Variants in DOCK3 observed in about 807,000 individuals in gnomAD.
DOCK3 encodes dedicator of cytokinesis protein 3.
In DOCK3, 60 loss-of-function variants were observed where a neutral mutation model predicts 265.6. The observed-to-expected ratio is 0.23, with a 90% CI of 0.18 to 0.28. DOCK3 has a LOEUF of 0.28. DOCK3 is among the 10% of genes least tolerant of loss of function. The pLI, the probability that DOCK3 is intolerant of heterozygous loss-of-function variation, is 1.00. For synonymous variants in DOCK3, 881 were observed against 938.0 expected (o/e 0.94, Z 1.11); for missense variants, 1,981 against 2,594.3 (o/e 0.76, Z 5.14).
chr3:50,745,707 C>T (rs933093561), intron 1 of DOCK3, among the ~76,000 whole-genome samples: 1 of 152,220 alleles, frequency 6.6e-6, no homozygotes, highest in Admixed American at 6.5e-5. Flanking sequence ...CCCGCTGTTG[C>T]AGAGGGGATG....
chr3:50,875,973 C>T (rs140393346), intron 3 of DOCK3, among the ~76,000 whole-genome samples: 1 of 152,034 alleles, frequency 6.6e-6, no homozygotes, highest in East Asian at 1.9e-4. Context: ...TCCAGCTCTA[C>T]TGGAGCATTA....
intron 3 of DOCK3, among the ~76,000 whole-genome samples, chr3:50,855,763 T>G (rs755920618): frequency 1.3e-5 from 2 of 152,154 alleles, no homozygotes; most frequent in African/African-American, 4.8e-5. Flanking sequence ...GGTGGTTGGC[T>G]GCACGGATCA....
At chr3:51,239,273 AATCTT>A (rs2078491032) in intron 21 of DOCK3, among the ~76,000 whole-genome samples, 1 of 151,518 alleles carries the variant, frequency 6.6e-6, no homozygotes, top group Non-Finnish European at 1.5e-5. Flanking sequence ...AGAGTGGCGC[AATCTT>A]GGCTCACTGT....
At chr3:51,242,569 C>T (rs868123734) in intron 21 of DOCK3, among the ~76,000 whole-genome samples, 1 of 152,052 alleles carries the variant, frequency 6.6e-6, no homozygotes, top group Non-Finnish European at 1.5e-5. Flanking sequence ...TGTGCAGTCA[C>T]GGTAGAGATG....
At chr3:50,682,768 G>C (rs1271528407) in intron 1 of DOCK3, among the ~76,000 whole-genome samples, 1 of 152,152 alleles carries the variant, frequency 6.6e-6, no homozygotes, top group African/African-American at 2.4e-5. Context: ...GTGAAACCCT[G>C]CCTCTACTAA....
chr3:51,242,736 C>A (rs1182101702), intron 21 of DOCK3, among the ~76,000 whole-genome samples: 1 of 152,132 alleles, frequency 6.6e-6, no homozygotes, highest in Non-Finnish European at 1.5e-5. Context: ...TGGCTCTGTG[C>A]CCACCAAGGC....
intron 5 of DOCK3, among the ~76,000 whole-genome samples, chr3:51,041,273 G>A (rs1241146386): frequency 3.0e-5 from 4 of 131,402 alleles, no homozygotes; most frequent in African/African-American, 8.7e-5. Context: ...GCTAGAGTGC[G>A]GTGGTGCGAT....
intron 1 of DOCK3, among the ~76,000 whole-genome samples, chr3:50,682,290 CT>C (rs1469231766): frequency 6.6e-6 from 1 of 152,200 alleles, no homozygotes; most frequent in Non-Finnish European, 1.5e-5. Flanking sequence ...TCTCCAGGTT[CT>C]TCTGTTTGTA....
intron 5 of DOCK3, among the ~76,000 whole-genome samples, chr3:51,027,234 A>T (rs183508414): frequency 6.6e-6 from 1 of 152,004 alleles, no homozygotes; most frequent in African/African-American, 2.4e-5. Context: ...CAACTCATTT[A>T]GTTCCCATGT....
chr3:51,307,887 TTTTG>T (rs2082784255), intron 27 of DOCK3, among the ~76,000 whole-genome samples: 2 of 149,808 alleles, frequency 1.3e-5, no homozygotes, highest in Non-Finnish European at 1.5e-5. Context: ...GGGTTTTTTT[TTTTG>T]TTTTTTTTTT....
At chr3:51,065,046 T>C (rs186505965) in intron 6 of DOCK3, among the ~76,000 whole-genome samples, 3 of 152,310 alleles carry the variant, frequency 2.0e-5, no homozygotes, top group African/African-American at 7.2e-5. Context: ...TCAGAATATT[T>C]TTGACTACCT....
Position 51,110,146 on chromosome 3 carries a change from C to A in DOCK3, c.746+19762C>A, listed in dbSNP as rs533318599. Among the ~76,000 whole-genome samples the A allele has an allele frequency of 3.3e-5, 5 of 151,990 alleles. No homozygotes were observed. In the East Asian group the frequency reaches 9.7e-4, roughly 29 times the overall value. The stretch of plus-strand genomic sequence containing the variant: ...AATCCCTGAACAGACAAATGACAAA[C>A]TCCAAAACTGAATCAGTAATAAATA... On this transcript the variant is annotated intron_variant, in intron 9 of 52. Coordinates refer to ENST00000266037, the MANE Select transcript of DOCK3 (RefSeq NM_004947.5).
intron 5 of DOCK3, among the ~76,000 whole-genome samples, chr3:50,943,138 T>TA: frequency 6.6e-6 from 1 of 152,000 alleles, no homozygotes; most frequent in East Asian, 1.9e-4. Context: ...TTTAGCAACT[T>TA]AAAAAAATAA....
chr3:51,033,956 T>C (rs138483628), intron 5 of DOCK3, among the ~76,000 whole-genome samples: 3 of 152,270 alleles, frequency 2.0e-5, no homozygotes, highest in African/African-American at 7.2e-5. Flanking sequence ...GTAAGTTTGA[T>C]GTTTGTTCTT....
At chr3:50,848,838 C>CT (rs746317795) in intron 3 of DOCK3, among the ~76,000 whole-genome samples, 22 of 152,124 alleles carry the variant, frequency 1.4e-4, no homozygotes, top group Non-Finnish European at 3.1e-4. Flanking sequence ...GTCTTCCTTG[C>CT]TAGTAAGATT....
intron 12 of DOCK3, among the ~76,000 whole-genome samples, chr3:51,204,986 A>G (rs997059993): frequency 6.6e-6 from 1 of 150,812 alleles, no homozygotes; most frequent in Non-Finnish European, 1.5e-5. Flanking sequence ...TGGACACAGG[A>G]CGGGGAACAT....
At chr3:51,115,255 C>A (rs1387184278) in intron 9 of DOCK3, among the ~76,000 whole-genome samples, 1 of 152,174 alleles carries the variant, frequency 6.6e-6, no homozygotes, top group Non-Finnish European at 1.5e-5. Context: ...CTTTACACTC[C>A]CACCAACAGT....
At chr3:50,767,003 A>C (rs563963111) in intron 1 of DOCK3, among the ~76,000 whole-genome samples, 2 of 152,080 alleles carry the variant, frequency 1.3e-5, no homozygotes, top group East Asian at 3.9e-4. Context: ...AGTTCTTTGT[A>C]GATTCTGGAT....
intron 9 of DOCK3, among the ~76,000 whole-genome samples, chr3:51,122,332 T>C (rs1478875691): frequency 6.6e-6 from 1 of 152,104 alleles, no homozygotes; most frequent in African/African-American, 2.4e-5. Context: ...AATTTAAAAG[T>C]ATCCAGGTAT....
Sources: gnomAD v4.1 joint callset for allele counts (sites outside exome capture counted in the v4.1 genomes callset) on GRCh38, gnomAD v4.1.1 for gene constraint, MANE v1.5 for transcripts, NCBI Gene and HGNC (gene_info 2026-07-23, HGNC 2026-07-21) for gene names.